Variants in PBX1 observed in about 807,000 individuals in gnomAD.
The protein encoded by PBX1 is pre-B-cell leukemia transcription factor 1.
A neutral mutation model predicts 53.4 loss-of-function variants in PBX1; 6 were observed. The ratio of observed to expected loss-of-function variants is 0.11; its 90% confidence interval spans 0.06 to 0.22. PBX1 has a LOEUF of 0.22. Ranked by LOEUF, PBX1 falls within the 10% of genes least tolerant of loss-of-function variation. The pLI, the probability that PBX1 is intolerant of heterozygous loss-of-function variation, is 1.00. For missense variants in PBX1, 251 were observed against 551.4 expected, an observed-to-expected ratio of 0.46 and a Z score of 5.46; for synonymous variants, 204 against 212.3, an observed-to-expected ratio of 0.96 and a Z score of 0.34.
At chr1:164,825,272 T>C (rs1385241354) in intron 8 of PBX1, among the ~76,000 whole-genome samples, 1 of 152,176 alleles carries the variant, frequency 6.6e-6, no homozygotes, top group African/African-American at 2.4e-5. Context: ...TTCGTGTCTT[T>C]CTTCTTCTTA....
At chr1:164,614,066 C>CAAAGCAG (rs1364253209) in intron 2 of PBX1, among the ~76,000 whole-genome samples, 1 of 152,208 alleles carries the variant, frequency 6.6e-6, no homozygotes, top group Admixed American at 6.5e-5. Context: ...AGCAGAAGCA[C>CAAAGCAG]AAAGCAGAAG....
intron 4 of PBX1, among the ~76,000 whole-genome samples, chr1:164,800,530 C>G (rs181952146): frequency 6.6e-6 from 1 of 152,112 alleles, no homozygotes; most frequent in Non-Finnish European, 1.5e-5. Flanking sequence ...ATAGAAAGGA[C>G]CTTTAAAAGA....
intron 2 of PBX1, among the ~76,000 whole-genome samples, chr1:164,583,463 T>G (rs1654757332): frequency 6.6e-6 from 1 of 152,070 alleles, no homozygotes; most frequent in African/African-American, 2.4e-5. Context: ...GGGGCCCCTC[T>G]TTTAGTCTAC....
At chr1:164,656,370 C>T (rs73028007) in intron 2 of PBX1, among the ~76,000 whole-genome samples, 7 of 152,268 alleles carry the variant, frequency 4.6e-5, no homozygotes, top group African/African-American at 1.2e-4. Flanking sequence ...ATGTTCAGTA[C>T]ATCTCATAGA....
In PBX1 at chr1:164,640,627, G is replaced by T. The variant is rs528728176; in HGVS notation, c.265+77316G>T. ...GCTGGAGTGCAGTGGCACGATCTCA[G>T]CTCACTGCAACCTCTGCCTCCCAGG... On this transcript the variant is annotated intron_variant, in intron 2 of 8. Coordinates refer to ENST00000420696, the MANE Select transcript of PBX1 (RefSeq NM_002585.4). Among the ~76,000 whole-genome samples the T allele has an allele frequency of 4.4e-3, 639 of 144,550 alleles. 2 individuals carry two copies. Among genetic ancestry groups the T allele is most frequent in the African/African-American group, 0.014 (534 of 39,348 alleles). The allele number at this position is 144,550 out of a possible 152,430, so 94.8% of individuals were successfully genotyped here.
chr1:164,815,071 A>T (rs1669815677), intron 6 of PBX1: 1 of 152,162 alleles, frequency 6.6e-6, no homozygotes, highest in Non-Finnish European at 1.5e-5. Context: ...AGAAAGCAAG[A>T]ATAGGGGCCA....
chr1:164,825,023 G>A (rs956580933), intron 8 of PBX1, among the ~76,000 whole-genome samples: 7 of 152,116 alleles, frequency 4.6e-5, no homozygotes, highest in Admixed American at 3.3e-4. Flanking sequence ...CCCTGAGTAC[G>A]ACATTCAGGG....
chr1:164,857,125 C>A (rs1271685447), intron 2 of PBX1, among the ~76,000 whole-genome samples: 2 of 152,174 alleles, frequency 1.3e-5, no homozygotes, highest in African/African-American at 4.8e-5. Flanking sequence ...TCCCACAAGC[C>A]TGCCCTCACA....
At chr1:164,593,651 T>TAAG (rs2101779027) in intron 2 of PBX1, among the ~76,000 whole-genome samples, 1 of 96,746 alleles carries the variant, frequency 1.0e-5, no homozygotes, top group East Asian at 3.2e-4. Flanking sequence ...AAATAATAAA[T>TAAG]AGCCAGAATT....
intron 3 of PBX1, among the ~76,000 whole-genome samples, chr1:164,798,210 A>G (rs1571427272): frequency 6.6e-6 from 1 of 152,320 alleles, no homozygotes; most frequent in South Asian, 2.1e-4. Flanking sequence ...TTTCTTAGAT[A>G]AATAATCAGT....
chr1:164,616,115 C>G (rs1184797776), intron 2 of PBX1, among the ~76,000 whole-genome samples: 2 of 152,226 alleles, frequency 1.3e-5, no homozygotes, highest in Admixed American at 6.5e-5. Context: ...CTCTCTCTCT[C>G]TCTCCACCTC....
intron 2 of PBX1, among the ~76,000 whole-genome samples, chr1:164,721,679 T>C (rs1664412424): frequency 6.6e-6 from 1 of 152,174 alleles, no homozygotes; most frequent in African/African-American, 2.4e-5. Flanking sequence ...CAGGTATGAA[T>C]ACTGAACGTT....
intron 2 of PBX1, among the ~76,000 whole-genome samples, chr1:164,608,984 A>C (rs1056789094): frequency 6.6e-6 from 1 of 152,166 alleles, no homozygotes; most frequent in Admixed American, 6.5e-5. Flanking sequence ...AATATAAAAC[A>C]TCTGCTCTTG....
In PBX1 at chr1:164,820,163, T is replaced by C; in HGVS notation, c.1089T>C (p.Val363=). The C allele has an allele frequency of 6.2e-7, 1 of 1,612,104 alleles. No homozygotes were observed. The highest frequency in any genetic ancestry group is 1.3e-5 in the African/African-American group (1 of 74,950). ...GGGATTCTTACCAAGGGGCCCAGGT[T>C]GGAGCCAACGTGCAATCACAGGTAG... ...LNGDSYQGAQ[V]GANVQSQVDT... Residue 363 remains valine (V), a synonymous_variant, in exon 7 of 9, where the codon GTT becomes GTC. Coordinates refer to ENST00000420696, the MANE Select transcript of PBX1 (RefSeq NM_002585.4).
Position 164,811,931 on chromosome 1 carries a change from C to T in PBX1, c.838-59C>T. 36 of 1,450,934 alleles carry T rather than the reference C, an allele frequency of 2.5e-5. No homozygotes were observed. The Admixed American group carries it at 2.5e-4, about 10-fold the overall frequency. 89.9% of individuals were successfully genotyped at this position (1,450,934 alleles called of 1,614,324 possible). A position where few individuals can be genotyped will look rare whatever the true frequency, so the allele number is the denominator to read the frequency against. On this transcript the variant is annotated intron_variant, in intron 5 of 8. Coordinates refer to ENST00000420696, the MANE Select transcript of PBX1 (RefSeq NM_002585.4). ...TCTCCCATAAAGCCTTTTTTTTCTT[C>T]TGCAATGTTTCTGAAGGATGAAATG...
chr1:164,851,243 C>A lies in PBX1; in HGVS notation c.*4567C>A. 2 of 209,174 alleles carry A rather than the reference C, an allele frequency of 9.6e-6. No homozygotes were observed. The highest frequency in any genetic ancestry group is 2.3e-5 in the African/African-American group (1 of 44,132). 13.0% of individuals were successfully genotyped at this position (209,174 alleles called of 1,614,324 possible). A position where few individuals can be genotyped will look rare whatever the true frequency, so the allele number is the denominator to read the frequency against. On this transcript the variant is annotated 3_prime_UTR_variant, in exon 9 of 9. Coordinates refer to ENST00000420696, the MANE Select transcript of PBX1 (RefSeq NM_002585.4). ...AAGCCATATTATCTGGAAAAAAATT[C>A]ATTTTAAATACCATCATTCAACAAA...
chr1:164,800,634 G>A (rs543535072), intron 4 of PBX1, among the ~76,000 whole-genome samples: 21 of 152,262 alleles, frequency 1.4e-4, no homozygotes, highest in Middle Eastern at 3.4e-3. Flanking sequence ...GATTCCTTTT[G>A]CTTCTGTTAT....
chr1:164,735,713 A>C (rs1215170374), intron 2 of PBX1, among the ~76,000 whole-genome samples: 4 of 152,178 alleles, frequency 2.6e-5, no homozygotes, highest in African/African-American at 9.6e-5. Flanking sequence ...CATGACCATT[A>C]ACTCTGCAAT....
At chr1:164,841,712 T>C (rs375157933) in intron 8 of PBX1, among the ~76,000 whole-genome samples, 2 of 152,196 alleles carry the variant, frequency 1.3e-5, no homozygotes, top group Non-Finnish European at 2.9e-5. Context: ...GAATCTAGGA[T>C]GTGACCTCTG....
Sources: gnomAD v4.1 joint callset for allele counts (sites outside exome capture counted in the v4.1 genomes callset) on GRCh38, gnomAD v4.1.1 for gene constraint, MANE v1.5 for transcripts, NCBI Gene and HGNC (gene_info 2026-07-23, HGNC 2026-07-21) for gene names.